Variants in PPHLN1 observed in about 807,000 individuals in gnomAD.
The protein encoded by PPHLN1 is periphilin 1.
A neutral mutation model predicts 51.3 loss-of-function variants in PPHLN1; 29 were observed. The ratio of observed to expected loss-of-function variants is 0.57; its 90% CI spans 0.42 to 0.77. The LOEUF (loss-of-function observed/expected upper bound fraction) is 0.77, where lower values mean the gene tolerates loss of function less well. Ranked by LOEUF, PPHLN1 falls within the 30% of genes least tolerant of loss-of-function variation. PPHLN1 has a pLI of 0.00. For missense variants in PPHLN1, 436 were observed against 438.4 expected (o/e 0.99, Z 0.05); for synonymous variants, 147 against 147.8 (o/e 0.99, Z 0.04).
intron 9 of PPHLN1, among the ~76,000 whole-genome samples, chr12:42,440,793 A>C (rs1382863028): frequency 6.6e-6 from 1 of 152,166 alleles, no homozygotes; most frequent in African/African-American, 2.4e-5. Flanking sequence ...TGGCCAGGCT[A>C]ATCTGGAACT....
chr12:42,443,085 A>C, downstream of PPHLN1: 1 of 188,770 alleles, frequency 5.3e-6, no homozygotes, highest in African/African-American at 2.3e-5. Context: ...CTTGCTCTAC[A>C]CAGAAGAGCC....
Position 42,391,071 on chromosome 12 carries a change from G to C in PPHLN1, c.649-2499G>C, listed in dbSNP as rs559307425. On this transcript the variant is annotated intron_variant, in intron 7 of 9. Coordinates refer to ENST00000358314, the MANE Select transcript of PPHLN1 (RefSeq NM_201439.2). ...CTCTTTGATTTGCCCAAGGTCACATGGTAGCTGTGGGGAGCTTTATGAGCT... is the reference window on the plus strand; with the variant it reads ...CTCTTTGATTTGCCCAAGGTCACATCGTAGCTGTGGGGAGCTTTATGAGCT... Among the ~76,000 whole-genome samples the C allele has an allele frequency of 1.3e-3, 201 of 152,222 alleles. 5 individuals are homozygous for C. The South Asian group carries it at 0.041, about 31-fold the overall frequency.
At position 42,374,913 on chromosome 12, in the gene PPHLN1, C is replaced by T. The variant is rs144711162; in HGVS notation, c.350C>T (p.Ala117Val). The T allele has an allele frequency of 4.9e-5, 79 of 1,612,350 alleles. No homozygotes were observed. The African/African-American group carries it at 7.0e-4, about 14-fold the overall frequency. ...AAAAGTTTCTACTCTTCCCATTATG[C>T]GAGAGAGCGGTCTCCTTATAAAAGG... is the stretch of plus-strand genomic sequence containing the variant. ...RRKSFYSSHYARERSPYKRDN... is the reference protein window; with the variant it reads ...RRKSFYSSHYVRERSPYKRDN... Residue 117 changes from alanine to valine, a missense_variant, in exon 5 of 10, where the codon GCG becomes GTG. Transcript: ENST00000358314.
chr12:42,332,795 T>C, intron 1 of PPHLN1: 1 of 667,280 alleles, frequency 1.5e-6, no homozygotes, highest in South Asian at 2.7e-5. Flanking sequence ...TTAAACTACA[T>C]ACTATTTCTT....
chr12:42,380,552 CAT>C (rs1251711476), intron 5 of PPHLN1, among the ~76,000 whole-genome samples: 1 of 152,056 alleles, frequency 6.6e-6, no homozygotes. Flanking sequence ...TAGAAAAAGA[CAT>C]ACGTCTTAAG....
downstream of PPHLN1, chr12:42,447,766 TAGC>T: frequency 6.6e-6 from 1 of 152,222 alleles, no homozygotes. Flanking sequence ...AAAGAGGAAG[TAGC>T]AGTATGCATA....
chr12:42,353,554 A>G (rs2073670253), intron 3 of PPHLN1, among the ~76,000 whole-genome samples: 1 of 152,208 alleles, frequency 6.6e-6, no homozygotes, highest in Non-Finnish European at 1.5e-5. Flanking sequence ...GGGGTTTTAT[A>G]GCTTTCTTAG....
chr12:42,396,081 GA>G (rs1280164940), intron 8 of PPHLN1, among the ~76,000 whole-genome samples: 3 of 150,620 alleles, frequency 2.0e-5, no homozygotes, highest in Non-Finnish European at 4.4e-5. Context: ...GTCTGAGGAA[GA>G]AAAAAAAAGA....
At chr12:42,337,044 T>G (rs2070757741) in intron 2 of PPHLN1, among the ~76,000 whole-genome samples, 1 of 152,190 alleles carries the variant, frequency 6.6e-6, no homozygotes, top group Non-Finnish European at 1.5e-5. Context: ...ATGGCCAGAC[T>G]TAATTATTAC....
chr12:42,345,646 TA>T (rs1387645793), intron 2 of PPHLN1, among the ~76,000 whole-genome samples: 3 of 150,958 alleles, frequency 2.0e-5, no homozygotes, highest in African/African-American at 7.3e-5. Context: ...AGTATGTAGA[TA>T]TTTTTAATAA....
chr12:42,362,893 A>T (rs960197492), intron 4 of PPHLN1, among the ~76,000 whole-genome samples: 3 of 152,174 alleles, frequency 2.0e-5, no homozygotes, highest in Non-Finnish European at 4.4e-5. Flanking sequence ...GTAATGAGCA[A>T]TCTTGAAGGC....
intron 2 of PPHLN1, among the ~76,000 whole-genome samples, chr12:42,349,529 G>A (rs1319728281): frequency 1.3e-5 from 2 of 152,054 alleles, no homozygotes; most frequent in Non-Finnish European, 2.9e-5. Flanking sequence ...AAGGTCTCTG[G>A]TTTTCCTAGG....
chr12:42,409,573 G>A (rs1669898), intron 9 of PPHLN1, among the ~76,000 whole-genome samples: 45,850 of 151,898 alleles, frequency 0.3, 7,865 homozygotes, highest in Non-Finnish European at 0.38. Context: ...GAGTGGTAAG[G>A]AATGTTTTCT....
chr12:42,390,522 GA>G (rs5797793), intron 7 of PPHLN1, among the ~76,000 whole-genome samples: 29,759 of 152,010 alleles, frequency 0.2, 3,244 homozygotes, highest in African/African-American at 0.29. Flanking sequence ...AGTTTTAGTG[GA>G]AAACAACCAT....
chr12:42,441,314 G>C lies in PPHLN1; in HGVS notation c.910-1G>C, dbSNP rs760837899. On this transcript the variant is annotated splice_acceptor_variant, in intron 9 of 9. Coordinates refer to ENST00000358314, the MANE Select transcript of PPHLN1 (RefSeq NM_201439.2). LOFTEE classifies it high-confidence loss of function. Reference sequence around the variant, plus strand: ...TAACCAGAATGTGTTTTACCTTTTAGGTTTACCGACAAGACTGTGAAACTT... The same window carrying C: ...TAACCAGAATGTGTTTTACCTTTTACGTTTACCGACAAGACTGTGAAACTT... 2.1e-5 allele frequency: 34 copies of C among 1,605,958 alleles called. No homozygotes were observed. Among genetic ancestry groups the C allele is most frequent in the Non-Finnish European group, 2.8e-5 (33 of 1,175,350 alleles).
chr12:42,402,032 T>C (rs2078890342), intron 9 of PPHLN1, among the ~76,000 whole-genome samples: 2 of 152,216 alleles, frequency 1.3e-5, no homozygotes, highest in South Asian at 4.1e-4. Context: ...TTTTTTTTTG[T>C]ATTTTTTGTA....
downstream of PPHLN1, chr12:42,442,889 G>C (rs546897880): frequency 7.7e-7 from 1 of 1,294,326 alleles, no homozygotes; most frequent in East Asian, 2.6e-5. Flanking sequence ...CCTCGGTTTC[G>C]CAGGCTCAAT....
chr12:42,335,635 C>G (rs1195063785), intron 1 of PPHLN1, among the ~76,000 whole-genome samples: 2 of 148,606 alleles, frequency 1.3e-5, no homozygotes, highest in African/African-American at 5.0e-5. Context: ...TGGCAACAAT[C>G]TCTTTGAAGC....
chr12:42,344,498 T>C (rs1309417655), intron 2 of PPHLN1, among the ~76,000 whole-genome samples: 1 of 152,182 alleles, frequency 6.6e-6, no homozygotes, highest in Non-Finnish European at 1.5e-5. Context: ...TCAATAAGTA[T>C]TTCAATATGT....
Sources: gnomAD v4.1 joint callset for allele counts (sites outside exome capture counted in the v4.1 genomes callset) on GRCh38, gnomAD v4.1.1 for gene constraint, MANE v1.5 for transcripts, NCBI Gene and HGNC (gene_info 2026-07-23, HGNC 2026-07-21) for gene names.